The following SLC39A14 variants were observed in gnomAD, a reference collection of about 807,000 sequenced individuals.
SLC39A14 encodes metal cation symporter ZIP14.
SLC39A14 carries 19 observed loss-of-function variants against 45.5 expected under a neutral mutation model. The observed-to-expected ratio is 0.42, with a 90% CI of 0.29 to 0.61. The LOEUF (loss-of-function observed/expected upper bound fraction) is 0.61, where lower values mean the gene tolerates loss of function less well. Among genes scored for constraint, SLC39A14 ranks in the 20% least tolerant of loss-of-function variants. The pLI is 0.22. For synonymous variants in SLC39A14, 264 were observed against 251.3 expected (o/e 1.05, Z -0.48); for missense variants, 447 against 616.5 (o/e 0.73, Z 2.91).
intron 2 of SLC39A14, among the ~76,000 whole-genome samples, chr8:22,405,760 C>T (rs542787178): frequency 1.1e-3 from 175 of 152,322 alleles, no homozygotes; most frequent in Non-Finnish European, 2.1e-3. Context: ...CAGTGAGTCC[C>T]TGCAGAGACC....
At chr8:22,417,506 TG>T in intron 7 of SLC39A14, 144 bp from the exon 8 acceptor site, 2 of 682,070 alleles carry the variant, frequency 2.9e-6, no homozygotes, top group Non-Finnish European at 5.1e-6. Flanking sequence ...GCTCTCACTT[TG>T]TCGCCAGGCT....
intron 1 of SLC39A14, among the ~76,000 whole-genome samples, chr8:22,381,088 C>G (rs1158683907): frequency 6.6e-6 from 1 of 151,718 alleles, no homozygotes; most frequent in Non-Finnish European, 1.5e-5. Flanking sequence ...ATTCTCCTGC[C>G]TCAGCCTCCG....
intron 1 of SLC39A14, among the ~76,000 whole-genome samples, chr8:22,385,099 CCACCTT>C (rs1833722094): frequency 6.6e-6 from 1 of 152,056 alleles, no homozygotes; most frequent in Non-Finnish European, 1.5e-5. Flanking sequence ...CAAAAAAACT[CCACCTT>C]AATGTTTTAC....
At chr8:22,413,498 C>T (rs937985483) in intron 4 of SLC39A14, among the ~76,000 whole-genome samples, 16 of 152,250 alleles carry the variant, frequency 1.1e-4, no homozygotes, top group African/African-American at 2.6e-4. Context: ...CACTTTTCCC[C>T]CAAGATGATT....
chr8:22,383,230 G>T (rs1290732148), intron 1 of SLC39A14, among the ~76,000 whole-genome samples: 1 of 152,128 alleles, frequency 6.6e-6, no homozygotes, highest in East Asian at 1.9e-4. Flanking sequence ...AGCCAATTTT[G>T]TCCCTGCATC....
intron 1 of SLC39A14, among the ~76,000 whole-genome samples, chr8:22,397,718 A>G (rs1473307634): frequency 2.0e-5 from 3 of 151,970 alleles, no homozygotes; most frequent in Admixed American, 6.6e-5. Context: ...GCCTTTTGCT[A>G]TTGTGTGACT....
chr8:22,374,658 G>A (rs1379396696), intron 1 of SLC39A14, among the ~76,000 whole-genome samples: 1 of 151,416 alleles, frequency 6.6e-6, no homozygotes, highest in East Asian at 1.9e-4. Context: ...AGGTACGAGT[G>A]TTCTCTTGGA....
chr8:22,413,408 C>G (rs144072247), intron 4 of SLC39A14, among the ~76,000 whole-genome samples: 37 of 152,332 alleles, frequency 2.4e-4, no homozygotes, highest in Admixed American at 1.1e-3. Flanking sequence ...TTTGGGATTT[C>G]TGAAGCTCAA....
At chr8:22,380,752 C>T (rs1833460986) in intron 1 of SLC39A14, among the ~76,000 whole-genome samples, 1 of 151,932 alleles carries the variant, frequency 6.6e-6, no homozygotes, top group Non-Finnish European at 1.5e-5. Context: ...TAATGGCCCA[C>T]TACTGATTTG....
intron 1 of SLC39A14, among the ~76,000 whole-genome samples, chr8:22,391,453 C>G (rs7008732): frequency 2.6e-5 from 4 of 152,152 alleles, no homozygotes; most frequent in Admixed American, 6.5e-5. Flanking sequence ...GTTGTTTACT[C>G]TAGAGAAGTG....
Position 22,421,246 on chromosome 8 carries a change from C to T in SLC39A14, c.*1548C>T. 1.0e-6 allele frequency: 1 copy of T among 985,824 alleles called. No individual in the cohort carries two copies. The highest frequency in any genetic ancestry group is 1.7e-5 in the African/African-American group (1 of 57,352). 61.1% of individuals were successfully genotyped at this position (985,824 alleles called of 1,614,324 possible). ...GTTCACTACCAATGCCTGAGCTTTT[C>T]TCTTACATAGAAAAACTGTCCGCTC... On this transcript the variant is annotated 3_prime_UTR_variant, in exon 9 of 9. Transcript: ENST00000381237.
chr8:22,418,446 G>C (rs777994748), intron 8 of SLC39A14, among the ~76,000 whole-genome samples: 2 of 152,074 alleles, frequency 1.3e-5, no homozygotes, highest in Non-Finnish European at 2.9e-5. Context: ...AGAAAATTAC[G>C]CATAATCATA....
chr8:22,432,046 G>A (rs1836474452), intron 8 of SLC39A14, among the ~76,000 whole-genome samples: 1 of 152,192 alleles, frequency 6.6e-6, no homozygotes, highest in Admixed American at 6.5e-5. Context: ...TAAAAGAAAA[G>A]AGCAGCCGGC....
intron 8 of SLC39A14, among the ~76,000 whole-genome samples, 165 bp from the exon 9 acceptor site, chr8:22,419,387 T>C (rs112302598): frequency 7.2e-5 from 11 of 152,310 alleles, no homozygotes; most frequent in African/African-American, 2.6e-4. Flanking sequence ...TTTCACCATG[T>C]TGGTCAGGCT....
chr8:22,384,996 G>T (rs533207244), intron 1 of SLC39A14, among the ~76,000 whole-genome samples: 7 of 152,106 alleles, frequency 4.6e-5, no homozygotes, highest in African/African-American at 1.4e-4. Flanking sequence ...GTTGCAGTGA[G>T]CTGAGATCGC....
At chr8:22,432,817 TG>T (rs67378368) in intron 8 of SLC39A14, among the ~76,000 whole-genome samples, 38,109 of 128,890 alleles carry the variant, frequency 0.3, 6,068 homozygotes, top group East Asian at 0.49. Flanking sequence ...CCGGCTATTT[TG>T]TTTTTTTTTT....
At chr8:22,414,961 T>C in intron 5 of SLC39A14, 59 bp downstream of exon 5, 1 of 1,583,446 alleles carries the variant, frequency 6.3e-7, no homozygotes, top group Non-Finnish European at 8.6e-7. Flanking sequence ...TCTCAAACAA[T>C]GTTGATGTAT....
chr8:22,371,902 G>A (rs1027938184), intron 1 of SLC39A14, among the ~76,000 whole-genome samples: 7 of 148,058 alleles, frequency 4.7e-5, no homozygotes, highest in Non-Finnish European at 7.4e-5. Context: ...CCGCCACCAC[G>A]CCTGGCTAAT....
intron 1 of SLC39A14, among the ~76,000 whole-genome samples, chr8:22,369,126 T>C (rs1473363940): frequency 2.0e-5 from 3 of 152,126 alleles, no homozygotes; most frequent in Non-Finnish European, 4.4e-5. Flanking sequence ...AGTGGTCCTC[T>C]TGCTGGGGTT....
Sources: allele counts gnomAD v4.1 joint callset (sites outside exome capture counted in the v4.1 genomes callset), GRCh38; gene constraint gnomAD v4.1.1; transcripts MANE v1.5; gene names NCBI Gene and HGNC (gene_info 2026-07-23, HGNC 2026-07-21).